The following ANXA4 variants were observed in gnomAD, a reference collection of about 807,000 sequenced individuals.
ANXA4 encodes the protein 35-beta calcimedin.
Under a neutral mutation model 49.8 loss-of-function variants are expected in ANXA4, and 39 were observed. That is an observed-to-expected ratio of 0.78 (90% CI 0.61 to 1.02). The LOEUF (loss-of-function observed/expected upper bound fraction) is 1.02, where lower values mean the gene tolerates loss of function less well. Among genes scored for constraint, ANXA4 ranks in the 50% least tolerant of loss-of-function variants. The pLI is 0.00. For missense variants in ANXA4, 360 were observed against 410.1 expected (o/e 0.88, Z 1.05); for synonymous variants, 134 against 152.5 (o/e 0.88, Z 0.89).
At chr2:69,675,323 AC>A (rs1677367388) in intron 2 of ANXA4, among the ~76,000 whole-genome samples, 1 of 152,236 alleles carries the variant, frequency 6.6e-6, no homozygotes, top group South Asian at 2.1e-4. Context: ...TATTTCACTT[AC>A]GTATATGATA....
intron 2 of ANXA4, among the ~76,000 whole-genome samples, chr2:69,691,828 C>T (rs1342474094): frequency 1.3e-5 from 2 of 152,138 alleles, no homozygotes; most frequent in Non-Finnish European, 2.9e-5. Context: ...TTCCTGGCAT[C>T]TGTCTTGAAG....
intron 2 of ANXA4, among the ~76,000 whole-genome samples, chr2:69,706,403 C>T (rs1251632146): frequency 1.4e-5 from 2 of 142,984 alleles, no homozygotes; most frequent in Non-Finnish European, 3.0e-5. Flanking sequence ...CGGGTTCAAG[C>T]GATTCTCCTG....
chr2:69,812,804 T>G lies in ANXA4; in HGVS notation c.534+95T>G, dbSNP rs759076218. On this transcript the variant is annotated intron_variant, in intron 8 of 12. Coordinates refer to ENST00000394295, the MANE Select transcript of ANXA4 (RefSeq NM_001153.5). ...GGATAGCAACTTATATTACAGTGTATATTAGCCAGGCTTGGATATGTTCTT... is the reference window on the plus strand; with the variant it reads ...GGATAGCAACTTATATTACAGTGTAGATTAGCCAGGCTTGGATATGTTCTT... The G allele has an allele frequency of 2.4e-4, 261 of 1,067,970 alleles. 1 individual carries two copies. Among genetic ancestry groups the G allele is most frequent in the Non-Finnish European group, 3.6e-4 (251 of 703,248 alleles). 66.2% of individuals were successfully genotyped at this position (1,067,970 alleles called of 1,614,324 possible).
At chr2:69,704,306 G>C (rs146393172) in intron 2 of ANXA4, among the ~76,000 whole-genome samples, 2 of 152,084 alleles carry the variant, frequency 1.3e-5, no homozygotes, top group Non-Finnish European at 1.5e-5. Flanking sequence ...ATTTTGTACA[G>C]TAATTATACA....
At chr2:69,808,105 G>A in intron 6 of ANXA4, 109 bp downstream of exon 6, 2 of 1,032,970 alleles carry the variant, frequency 1.9e-6, no homozygotes, top group Non-Finnish European at 2.9e-6. Context: ...CGCTGAGCAT[G>A]AGGGATCCTC....
At chr2:69,789,945 C>G (rs1375476531) in intron 3 of ANXA4, among the ~76,000 whole-genome samples, 2 of 152,146 alleles carry the variant, frequency 1.3e-5, no homozygotes, top group Non-Finnish European at 2.9e-5. Context: ...AAGGAATATG[C>G]TTATTAAGAC....
At chr2:69,780,138 T>C (rs1221144358) in intron 1 of ANXA4, among the ~76,000 whole-genome samples, 1 of 152,178 alleles carries the variant, frequency 6.6e-6, no homozygotes, top group Non-Finnish European at 1.5e-5. Context: ...TGGGGAATCT[T>C]GTAAAAATGC....
chr2:69,757,254 ATATATATATATATTTTTT>A (rs1367686965), intron 1 of ANXA4, among the ~76,000 whole-genome samples: 3 of 44,874 alleles, frequency 6.7e-5, no homozygotes, highest in African/African-American at 5.5e-4. Context: ...ATATATATAT[ATATATATATATATTTTTT>A]TTTTTTTTTT....
chr2:69,790,860 A>G (rs1212826635), intron 3 of ANXA4, among the ~76,000 whole-genome samples: 2 of 152,248 alleles, frequency 1.3e-5, no homozygotes, highest in Non-Finnish European at 2.9e-5. Flanking sequence ...ACTACAGGTT[A>G]ATAACAGATG....
chr2:69,726,656 A>G (rs764637236), intron 3 of ANXA4, among the ~76,000 whole-genome samples: 1 of 152,214 alleles, frequency 6.6e-6, no homozygotes, highest in African/African-American at 2.4e-5. Context: ...AAACCCTTCT[A>G]GTCACCCCAA....
intron 1 of ANXA4, among the ~76,000 whole-genome samples, chr2:69,765,030 G>A (rs1671443237): frequency 1.3e-5 from 2 of 151,938 alleles, no homozygotes; most frequent in African/African-American, 4.8e-5. Context: ...CCTCTGTAAG[G>A]TTGAATAATA....
In ANXA4 at chr2:69,778,563, G is replaced by A. The variant is rs143602519; in HGVS notation, c.-46-2957G>A. Among the ~76,000 whole-genome samples, 973 of 152,212 alleles carry A rather than the reference G, an allele frequency of 6.4e-3. 2 individuals are homozygous for A. The highest frequency in any genetic ancestry group is 9.6e-3 in the Non-Finnish European group (653 of 68,018). On this transcript the variant is annotated intron_variant, in intron 1 of 12. Transcript: ENST00000394295. ...GGCCGAGGCGGGCAGATCACCTGAC[G>A]TCGGGAGTTCGAGACCAGCCTGACC...
intron 3 of ANXA4, among the ~76,000 whole-genome samples, chr2:69,723,246 A>T (rs1011198370): frequency 3.3e-5 from 5 of 151,858 alleles, no homozygotes; most frequent in African/African-American, 1.2e-4. Flanking sequence ...ACACCAATGA[A>T]ATAGAAAACA....
In ANXA4 at chr2:69,700,001, G is replaced by T. The variant is rs1487915665; in HGVS notation, n.767-20773G>T. On this transcript the variant is annotated intron_variant and non_coding_transcript_variant, in intron 2 of 3. Transcript: ENST00000418066. ...ACAGGCAGTTAAGTTAGTCAGGAAA[G>T]TGAGCACCCAGAGAGAATGGAAGGA... Among the ~76,000 whole-genome samples, 3 of 152,194 alleles carry T rather than the reference G, an allele frequency of 2.0e-5. No homozygotes were observed. In the South Asian group the frequency reaches 6.2e-4, roughly 32 times the overall value.
intron 2 of ANXA4, among the ~76,000 whole-genome samples, chr2:69,656,315 ATATATATG>A (rs1286635015): frequency 9.1e-6 from 1 of 109,366 alleles, no homozygotes; most frequent in Non-Finnish European, 1.8e-5. Flanking sequence ...GTATATATGT[ATATATATG>A]TATATATATG....
At position 69,820,889 on chromosome 2, in the gene ANXA4, G is replaced by A. The variant is rs908526583; in HGVS notation, c.906+68G>A. On this transcript the variant is annotated intron_variant, in intron 12 of 12. Coordinates refer to ENST00000394295, the MANE Select transcript of ANXA4 (RefSeq NM_001153.5). ...AGGACCCCTCTGACCTTGGCATTTAGCACTTGTTGTCCCCCTCTTCTTGGC... is the reference window on the plus strand; with the variant it reads ...AGGACCCCTCTGACCTTGGCATTTAACACTTGTTGTCCCCCTCTTCTTGGC... The A allele has an allele frequency of 9.9e-6, 15 of 1,517,182 alleles. 1 individual carries two copies. The African/African-American group carries it at 2.1e-4, about 21-fold the overall frequency. The allele number at this position is 1,517,182 out of a possible 1,614,324, so 94.0% of individuals were successfully genotyped here. A position where few individuals can be genotyped will look rare whatever the true frequency, so the allele number is the denominator to read the frequency against.
chr2:69,704,543 G>C (rs777347703), intron 2 of ANXA4, among the ~76,000 whole-genome samples: 5 of 152,202 alleles, frequency 3.3e-5, no homozygotes, highest in Non-Finnish European at 5.9e-5. Flanking sequence ...ATGTCTGGTA[G>C]TTGGTTCTGT....
At position 69,759,129 on chromosome 2, in the gene ANXA4, C is replaced by CA. The variant is rs35878649; in HGVS notation, c.-47+16973dup. ...CCAGCGACAGAGAGAGACTCTGTCT[C>CA]AAAAAAAAAAAAAAAAAAAGATTAT... is the stretch of plus-strand genomic sequence containing the variant. On this transcript the variant is annotated intron_variant, in intron 1 of 12. Transcript: ENST00000394295. 5.7e-3 allele frequency among the ~76,000 whole-genome samples: 671 copies of CA among 118,634 alleles called. 5 individuals are homozygous for CA. The highest frequency in any genetic ancestry group is 0.016 in the African/African-American group (517 of 33,244). 77.8% of individuals were successfully genotyped at this position (118,634 alleles called of 152,430 possible). A position where few individuals can be genotyped will look rare whatever the true frequency, so the allele number is the denominator to read the frequency against.
intron 2 of ANXA4, among the ~76,000 whole-genome samples, chr2:69,701,654 A>G (rs1383935235): frequency 6.6e-6 from 1 of 152,116 alleles, no homozygotes; most frequent in African/African-American, 2.4e-5. Context: ...CATTCCCACC[A>G]CAGCAAGTAG....
Sources: gnomAD v4.1 joint callset for allele counts (sites outside exome capture counted in the v4.1 genomes callset) on GRCh38, gnomAD v4.1.1 for gene constraint, MANE v1.5 for transcripts, NCBI Gene and HGNC (gene_info 2026-07-23, HGNC 2026-07-21) for gene names.